Variants in PRKCE observed in about 807,000 individuals in gnomAD.
The protein encoded by PRKCE is protein kinase C epsilon.
Under a neutral mutation model 85.4 loss-of-function variants are expected in PRKCE, and 16 were observed. The ratio of observed to expected loss-of-function variants is 0.19; its 90% CI spans 0.13 to 0.28. The LOEUF (loss-of-function observed/expected upper bound fraction) is 0.28, where lower values mean the gene tolerates loss of function less well. PRKCE is among the 10% of genes least tolerant of loss of function. The pLI is 1.00. For missense variants in PRKCE, 573 were observed against 975.2 expected (o/e 0.59, Z 5.49); for synonymous variants, 388 against 371.5 (o/e 1.04, Z -0.51).
At chr2:45,807,196 C>T (rs1007144618) in intron 1 of PRKCE, among the ~76,000 whole-genome samples, 1 of 152,206 alleles carries the variant, frequency 6.6e-6, no homozygotes, top group Non-Finnish European at 1.5e-5. Context: ...GGATAATAAT[C>T]GCTATCTTGC....
At chr2:45,736,264 A>G (rs978152486) in intron 1 of PRKCE, among the ~76,000 whole-genome samples, 1 of 152,106 alleles carries the variant, frequency 6.6e-6, no homozygotes, top group East Asian at 1.9e-4. Flanking sequence ...CCTGACCGAC[A>G]TACACATTTT....
At chr2:46,065,004 AGC>A (rs1667499430) in intron 10 of PRKCE, among the ~76,000 whole-genome samples, 1 of 152,208 alleles carries the variant, frequency 6.6e-6, no homozygotes, top group Admixed American at 6.5e-5. Flanking sequence ...TAGCTTGAGA[AGC>A]CATGCTCTTA....
rs567718618 is a variant in PRKCE, at chr2:45,745,963, G to C, written c.348+93515G>C. Among the ~76,000 whole-genome samples the C allele has an allele frequency of 1.5e-4, 23 of 152,304 alleles. No individual in the cohort carries two copies. In the East Asian group the frequency reaches 4.2e-3, roughly 28 times the overall value. ...AGCCTCTGGACTTTTACCATGCTAA[G>C]ATGTTTTTTCTTTTTTTGTAAATTA... On this transcript the variant is annotated intron_variant, in intron 1 of 14. Coordinates refer to ENST00000306156, the MANE Select transcript of PRKCE (RefSeq NM_005400.3).
intron 2 of PRKCE, among the ~76,000 whole-genome samples, chr2:45,894,811 C>T (rs955115103): frequency 6.6e-6 from 1 of 152,218 alleles, no homozygotes; most frequent in Non-Finnish European, 1.5e-5. Context: ...CAACCTCCGC[C>T]TCCTGGGTTC....
chr2:46,074,065 G>T (rs1274213223), intron 10 of PRKCE: 14 of 152,122 alleles, frequency 9.2e-5, no homozygotes. Context: ...TTCCATCTAA[G>T]CAGGTTATGG....
rs1162338995 is a variant in PRKCE, at chr2:45,905,740, G to T, written c.412+62677G>T. Among the ~76,000 whole-genome samples the T allele has an allele frequency of 6.6e-6, 1 of 152,186 alleles. No individual in the cohort carries two copies. Among genetic ancestry groups the T allele is most frequent in the African/African-American group, 2.4e-5 (1 of 41,440 alleles). ...TACAAAGATAGGATGTTTACTGAAG[G>T]GTAAATGGAGACCGGCCCATGCTCT... On this transcript the variant is annotated intron_variant, in intron 2 of 14. Transcript: ENST00000306156. The surrounding 1 kb of genome is among the most constrained non-coding windows in gnomAD (Gnocchi z 4.4).
chr2:46,070,143 G>C (rs1667951581), intron 10 of PRKCE, among the ~76,000 whole-genome samples: 1 of 152,178 alleles, frequency 6.6e-6, no homozygotes, highest in Admixed American at 6.5e-5. Context: ...TATTCACCTG[G>C]ACTCTAGGTT....
At position 45,743,357 on chromosome 2, in the gene PRKCE, G is replaced by A. The variant is rs1001702220; in HGVS notation, c.348+90909G>A. Reference sequence around the variant, plus strand: ...ATGTGCACTTATATCAAAACATCGCGGTGTACACCTTGAATGTAAACACTT... The same window carrying A: ...ATGTGCACTTATATCAAAACATCGCAGTGTACACCTTGAATGTAAACACTT... On this transcript the variant is annotated intron_variant, in intron 1 of 14. Coordinates refer to ENST00000306156, the MANE Select transcript of PRKCE (RefSeq NM_005400.3). Among the ~76,000 whole-genome samples the A allele has an allele frequency of 5.3e-5, 8 of 152,048 alleles. 1 individual carries two copies. The highest frequency in any genetic ancestry group is 8.8e-5 in the Non-Finnish European group (6 of 67,980).
At chr2:46,165,802 C>T (rs1307722797) in intron 14 of PRKCE, among the ~76,000 whole-genome samples, 3 of 152,174 alleles carry the variant, frequency 2.0e-5, no homozygotes, top group Non-Finnish European at 4.4e-5. Flanking sequence ...GGCTTCAGCA[C>T]TGGAATGGGG....
rs902377051 is a variant in PRKCE, at chr2:45,905,364, A to G, written c.412+62301A>G. Among the ~76,000 whole-genome samples the G allele has an allele frequency of 2.0e-5, 3 of 152,280 alleles. No homozygotes were observed. The highest frequency in any genetic ancestry group is 4.4e-5 in the Non-Finnish European group (3 of 68,046). On this transcript the variant is annotated intron_variant, in intron 2 of 14. Transcript: ENST00000306156. This position sits in a 1 kb window ranked among gnomAD's most constrained non-coding sequence, Gnocchi z 4.4. ...GAGTCCATTAGATTCCACAATCAAT[A>G]TCCAGCTTCTAAACATTATACATAT...
At chr2:46,182,559 TC>T (rs892859416) in intron 14 of PRKCE, among the ~76,000 whole-genome samples, 10 of 151,934 alleles carry the variant, frequency 6.6e-5, no homozygotes, top group Admixed American at 2.0e-4. Flanking sequence ...TTTCTGTGTG[TC>T]CCCCCCTTCC....
intron 1 of PRKCE, among the ~76,000 whole-genome samples, chr2:45,753,631 C>G (rs183424544): frequency 7.9e-4 from 121 of 152,246 alleles, no homozygotes; most frequent in African/African-American, 2.7e-3. Flanking sequence ...GGCTGCTGCG[C>G]CCATAGCATT....
At chr2:45,767,315 A>C (rs979939215) in intron 1 of PRKCE, among the ~76,000 whole-genome samples, 2 of 152,232 alleles carry the variant, frequency 1.3e-5, no homozygotes, top group East Asian at 3.8e-4. Flanking sequence ...TCTGCACAGC[A>C]ATGGCTCCTT....
chr2:46,143,704 G>T (rs779001073), intron 11 of PRKCE, among the ~76,000 whole-genome samples: 12 of 152,200 alleles, frequency 7.9e-5, no homozygotes, highest in Non-Finnish European at 1.3e-4. Flanking sequence ...TGGCCAGGGT[G>T]GGGGTGGGAG....
At chr2:45,776,399 A>T (rs1685751537) in intron 1 of PRKCE, among the ~76,000 whole-genome samples, 1 of 152,184 alleles carries the variant, frequency 6.6e-6, no homozygotes, top group Non-Finnish European at 1.5e-5. Context: ...CTTGAGAGGA[A>T]CTGAAATTGC....
intron 12 of PRKCE, 129 bp from the exon 13 acceptor site, chr2:46,150,912 C>T (rs1342293890): frequency 6.5e-6 from 5 of 770,908 alleles, no homozygotes; most frequent in Non-Finnish European, 9.9e-6. Context: ...TTTAGAACTT[C>T]TAGGACTAGG....
At chr2:46,147,501 A>C (rs6739208) in intron 12 of PRKCE, among the ~76,000 whole-genome samples, 8,881 of 152,306 alleles carry the variant, frequency 0.058, 897 homozygotes, top group African/African-American at 0.2. Context: ...TCCATTGGTG[A>C]GACTCACAAT....
intron 12 of PRKCE, among the ~76,000 whole-genome samples, chr2:46,147,590 A>C (rs1676200340): frequency 6.6e-6 from 1 of 152,250 alleles, no homozygotes; most frequent in Admixed American, 6.5e-5. Context: ...ACCGTGCAGA[A>C]ACATCTCTGC....
intron 10 of PRKCE, among the ~76,000 whole-genome samples, chr2:46,045,665 G>T (rs946720310): frequency 6.6e-6 from 1 of 152,144 alleles, no homozygotes; most frequent in Non-Finnish European, 1.5e-5. Context: ...GATCACTTGG[G>T]GTCAGGAGTT....
Sources: allele counts gnomAD v4.1 joint callset (sites outside exome capture counted in the v4.1 genomes callset), GRCh38; gene constraint gnomAD v4.1.1; non-coding constraint Gnocchi (gnomAD v3.1); transcripts MANE v1.5; gene names NCBI Gene and HGNC (gene_info 2026-07-23, HGNC 2026-07-21).